The following KANK1 variants were observed in gnomAD, a reference collection of about 807,000 sequenced individuals.
The protein encoded by KANK1 is KN motif and ankyrin repeat domains 1, also known as KN motif and ankyrin repeat domain-containing protein 1.
KANK1 carries 109 observed loss-of-function variants against 106.2 expected under a neutral mutation model. The ratio of observed to expected loss-of-function variants is 1.03; its 90% CI spans 0.88 to 1.20. The LOEUF (loss-of-function observed/expected upper bound fraction) is 1.20, where lower values mean the gene tolerates loss of function less well. Ranked by LOEUF, KANK1 falls within the 50% of genes most tolerant of loss-of-function variation. The pLI is 0.00. For synonymous variants in KANK1, 873 were observed against 652.2 expected (o/e 1.34, Z -5.16); for missense variants, 2,399 against 1,710.7 (o/e 1.40, Z -7.10).
chr9:538,070 A>G (rs1383988034), intron 1 of KANK1, among the ~76,000 whole-genome samples: 2 of 151,426 alleles, frequency 1.3e-5, no homozygotes, highest in Non-Finnish European at 2.9e-5. Flanking sequence ...AGAGCTATTG[A>G]GGGCAGCACT....
At chr9:629,929 T>C (rs967340199) in intron 1 of KANK1, among the ~76,000 whole-genome samples, 2 of 152,168 alleles carry the variant, frequency 1.3e-5, no homozygotes, top group African/African-American at 4.8e-5. Context: ...AATGCTTGTT[T>C]TTCAAGAACA....
At chr9:512,037 T>C (rs1378872097) in intron 1 of KANK1, among the ~76,000 whole-genome samples, 1 of 152,154 alleles carries the variant, frequency 6.6e-6, no homozygotes, top group East Asian at 1.9e-4. Flanking sequence ...ATTGCCTTAG[T>C]GGGAGTAGCT....
intron 8 of KANK1, among the ~76,000 whole-genome samples, chr9:739,473 G>T (rs991039084): frequency 5.9e-5 from 9 of 152,168 alleles, no homozygotes; most frequent in African/African-American, 2.2e-4. Flanking sequence ...TCTTATAAGT[G>T]TGTTTGTTCC....
At chr9:736,566 G>T (rs918289222) in intron 7 of KANK1, among the ~76,000 whole-genome samples, 1 of 152,018 alleles carries the variant, frequency 6.6e-6, no homozygotes, top group African/African-American at 2.4e-5. Flanking sequence ...AGGTATGATG[G>T]CATGTACCCA....
intron 1 of KANK1, among the ~76,000 whole-genome samples, chr9:645,651 G>A (rs1394981690): frequency 6.7e-6 from 1 of 150,258 alleles, no homozygotes; most frequent in African/African-American, 2.5e-5. Context: ...TGAGGCCAAG[G>A]TGGGCGGATC....
chr9:707,323 G>C (rs1046248325), intron 2 of KANK1: 2 of 766,138 alleles, frequency 2.6e-6, no homozygotes, highest in East Asian at 2.5e-4. Context: ...GGGGCCGGCC[G>C]GGAAGGTGCG....
chr9:553,257 A>C (rs775862402), intron 1 of KANK1, among the ~76,000 whole-genome samples: 13 of 152,330 alleles, frequency 8.5e-5, no homozygotes, highest in African/African-American at 2.4e-5. Context: ...CCAGGGACTT[A>C]AGTGTGTTCA....
At chr9:672,629 ATC>A (rs1373602529) in intron 1 of KANK1, among the ~76,000 whole-genome samples, 4 of 152,288 alleles carry the variant, frequency 2.6e-5, no homozygotes, top group African/African-American at 7.2e-5. Context: ...TATATATCAA[ATC>A]TCAATTTTAT....
chr9:562,431 G>A (rs1456740420), intron 1 of KANK1, among the ~76,000 whole-genome samples: 1 of 152,190 alleles, frequency 6.6e-6, no homozygotes, highest in Non-Finnish European at 1.5e-5. Flanking sequence ...ACAAAAAGCT[G>A]CTCTAGATCA....
Position 491,413 on chromosome 9 carries a change from G to A in KANK1, c.-362+18140G>A, listed in dbSNP as rs374938278. Among the ~76,000 whole-genome samples the A allele has an allele frequency of 1.5e-3, 226 of 152,058 alleles. 4 individuals carry two copies. The South Asian group carries it at 0.032, about 22-fold the overall frequency. On this transcript the variant is annotated intron_variant, in intron 3 of 15. Coordinates refer to the KANK1 transcript ENST00000382303. ...CTCCTGAGTAGCTGGGACTACAGGT[G>A]TGCATCACCACGCCCAGCTAATTTT...
intron 3 of KANK1, among the ~76,000 whole-genome samples, chr9:728,716 C>T (rs10815543): frequency 0.054 from 8,228 of 152,214 alleles, 553 homozygotes; most frequent in East Asian, 0.19. Context: ...TACCTGGAGG[C>T]TTCATCTACA....
chr9:555,069 A>T (rs2061499213), intron 1 of KANK1, among the ~76,000 whole-genome samples: 1 of 152,210 alleles, frequency 6.6e-6, no homozygotes, highest in Admixed American at 6.5e-5. Context: ...CATACCAGGT[A>T]ATGTTTCTGC....
intron 3 of KANK1, among the ~76,000 whole-genome samples, chr9:481,000 T>C (rs186980472): frequency 5.3e-5 from 8 of 152,340 alleles, no homozygotes; most frequent in Admixed American, 5.2e-4. Flanking sequence ...TTAGTACACC[T>C]AACCTACCAA....
intron 1 of KANK1, among the ~76,000 whole-genome samples, chr9:580,573 A>G (rs1035004722): frequency 3.3e-5 from 5 of 152,222 alleles, no homozygotes; most frequent in African/African-American, 9.6e-5. Flanking sequence ...TAGATCAGCT[A>G]GACACAGAGC....
chr9:527,835 T>G (rs2059865145), intron 1 of KANK1, among the ~76,000 whole-genome samples: 1 of 149,776 alleles, frequency 6.7e-6, no homozygotes. Flanking sequence ...AAAAATAGAG[T>G]TTCCCCTCAC....
chr9:507,627 G>C (rs999142199), intron 1 of KANK1, among the ~76,000 whole-genome samples: 1 of 149,564 alleles, frequency 6.7e-6, no homozygotes, highest in Non-Finnish European at 1.5e-5. Context: ...CGCGATCTCA[G>C]CTCACTGCAA....
At chr9:619,467 A>G (rs1387385823) in intron 1 of KANK1, among the ~76,000 whole-genome samples, 1 of 152,156 alleles carries the variant, frequency 6.6e-6, no homozygotes, top group African/African-American at 2.4e-5. Context: ...AGTTGCTTTA[A>G]ATTTTGAAAA....
chr9:485,927 C>T (rs960029327), intron 3 of KANK1, among the ~76,000 whole-genome samples: 8 of 151,632 alleles, frequency 5.3e-5, no homozygotes, highest in South Asian at 2.1e-4. Context: ...AAGCTGAGTC[C>T]GGAGGTCCCT....
intron 3 of KANK1, among the ~76,000 whole-genome samples, chr9:728,268 T>A (rs938475159): frequency 1.3e-5 from 2 of 151,620 alleles, no homozygotes; most frequent in Non-Finnish European, 2.9e-5. Flanking sequence ...TGGCACGATC[T>A]AGGCACTACA....
Sources: gnomAD v4.1 joint callset for allele counts (sites outside exome capture counted in the v4.1 genomes callset) on GRCh38, gnomAD v4.1.1 for gene constraint, MANE v1.5 for transcripts, NCBI Gene and HGNC (gene_info 2026-07-23, HGNC 2026-07-21) for gene names.